SMU1: variants seen among roughly 807,000 people sequenced by gnomAD.
The protein encoded by SMU1 is WD40 repeat-containing protein SMU1.
Under a neutral mutation model 62.0 loss-of-function variants are expected in SMU1, and 2 were observed. The observed-to-expected ratio is 0.03, with a 90% CI of 0.01 to 0.10. The LOEUF (loss-of-function observed/expected upper bound fraction) is 0.10, where lower values mean the gene tolerates loss of function less well. SMU1 is among the 10% of genes least tolerant of loss of function. The pLI is 1.00. For synonymous variants in SMU1, 188 were observed against 212.4 expected (o/e 0.89, Z 1.00); for missense variants, 227 against 622.1 (o/e 0.36, Z 6.76).
At chr9:33,059,028 C>T (rs1210836256) in intron 6 of SMU1, among the ~76,000 whole-genome samples, 1 of 152,024 alleles carries the variant, frequency 6.6e-6, no homozygotes, top group East Asian at 1.9e-4. Context: ...AAATTTGTGG[C>T]TTTTCACATA....
At chr9:33,067,568 G>A (rs993930540) in intron 4 of SMU1, among the ~76,000 whole-genome samples, 3 of 147,778 alleles carry the variant, frequency 2.0e-5, no homozygotes, top group East Asian at 4.0e-4. Context: ...GCTCAATCTC[G>A]GCTCACTGCA....
rs1839367355 is a variant in SMU1 at position 33,062,009 on chromosome 9, A to G, written c.630+40T>C. 3 of 1,605,912 alleles carry G rather than the reference A, an allele frequency of 1.9e-6. No individual in the cohort carries two copies. In the African/African-American group the frequency reaches 4.0e-5, roughly 21 times the overall value. The stretch of plus-strand genomic sequence containing the variant: ...TGGCTGAGCCCATGACAAGTCCTCA[A>G]CAAATGATTACTGACTGGCTGAATG... On this transcript the variant is annotated intron_variant, in intron 5 of 11. Coordinates refer to ENST00000397149, the MANE Select transcript of SMU1 (RefSeq NM_018225.3).
Position 33,048,541 on chromosome 9 carries a change from T to C in SMU1, c.1291-283A>G, listed in dbSNP as rs557251706. ...ACATATTACCCTTAAGCAAATTTCA[T>C]TGCCATACAAAAAACAATTTTCTAA... On this transcript the variant is annotated intron_variant, in intron 10 of 11. Coordinates refer to ENST00000397149, the MANE Select transcript of SMU1 (RefSeq NM_018225.3). 7.2e-5 allele frequency among the ~76,000 whole-genome samples: 11 copies of C among 152,302 alleles called. No individual in the cohort carries two copies. The highest frequency in any genetic ancestry group is 2.6e-4 in the Admixed American group (4 of 15,290).
At position 33,047,120 on chromosome 9, in the gene SMU1, A is replaced by T. The variant is rs867681000; in HGVS notation, c.*173T>A. On this transcript the variant is annotated 3_prime_UTR_variant, in exon 12 of 12. Coordinates refer to ENST00000397149, the MANE Select transcript of SMU1 (RefSeq NM_018225.3). ...ATAAACTAATACCTTAAAAATATAT[A>T]AAAAAAGAAAGGGTAGTTGCTACTT... 5 of 520,492 alleles carry T rather than the reference A, an allele frequency of 9.6e-6. No homozygotes were observed. The South Asian group carries it at 1.1e-4, about 12-fold the overall frequency. 32.2% of individuals were successfully genotyped at this position (520,492 alleles called of 1,614,324 possible). A position where few individuals can be genotyped will look rare whatever the true frequency, so the allele number is the denominator to read the frequency against.
rs143328486 is a variant in SMU1, at chr9:33,063,335, C to T, written c.502-1158G>A. ...CAAGATCGCACCACTGCACTCCCAG[C>T]CTGGGCAACAGAGTGAGACTGTCTC... On this transcript the variant is annotated intron_variant, in intron 4 of 11. Coordinates refer to ENST00000397149, the MANE Select transcript of SMU1 (RefSeq NM_018225.3). Among the ~76,000 whole-genome samples, 539 of 152,166 alleles carry T rather than the reference C, an allele frequency of 3.5e-3. 5 individuals are homozygous for T. The highest frequency in any genetic ancestry group is 5.0e-3 in the Non-Finnish European group (341 of 68,000).
intron 4 of SMU1, among the ~76,000 whole-genome samples, chr9:33,063,710 C>CTAGG (rs1417655104): frequency 6.6e-6 from 1 of 151,756 alleles, no homozygotes; most frequent in Non-Finnish European, 1.5e-5. Flanking sequence ...TGCGAGGGAT[C>CTAGG]TAGGATGCAT....
Position 33,056,848 on chromosome 9 carries a change from G to A in SMU1, c.984C>T (p.Asp328=). 1 of 1,611,740 alleles carries A rather than the reference G, an allele frequency of 6.2e-7. No individual in the cohort carries two copies. Among genetic ancestry groups the A allele is most frequent in the African/African-American group, 1.3e-5 (1 of 74,844 alleles). ...DSSQILSASF[D]QTIRIHGLKS... ...GGATTTTTACTTACCTAATTGTCTG[G>A]TCAAAAGAAGCACTAAGGATCTGAC... The change falls in exon 8 of 12, where the codon GAC becomes GAT. Residue 328 remains aspartate (D), a synonymous_variant. Coordinates refer to ENST00000397149, the MANE Select transcript of SMU1 (RefSeq NM_018225.3).
intron 3 of SMU1, among the ~76,000 whole-genome samples, chr9:33,071,190 C>G (rs537260861): frequency 7.9e-5 from 12 of 151,672 alleles, no homozygotes; most frequent in African/African-American, 2.9e-4. Flanking sequence ...TTTTGACAAA[C>G]CTCTAGTAAA....
chr9:33,076,509 C>T, intron 1 of SMU1, 74 bp downstream of exon 1: 2 of 1,585,650 alleles, frequency 1.3e-6, no homozygotes. Flanking sequence ...TGCCTTCTCC[C>T]GAGTACCCTC....
chr9:33,070,398 A>T lies in SMU1; in HGVS notation c.390+1342T>A, dbSNP rs755998693. 1.3e-4 allele frequency among the ~76,000 whole-genome samples: 20 copies of T among 152,352 alleles called. No homozygotes were observed. The Middle Eastern group carries it at 0.024, about 181-fold the overall frequency. ...CAGGAAATAACAAATGCTGGTGAGT[A>T]AGTGGAGAAAAAGGAACCCTCGTAC... On this transcript the variant is annotated intron_variant, in intron 3 of 11. Transcript: ENST00000397149.
intron 4 of SMU1, among the ~76,000 whole-genome samples, chr9:33,062,529 T>C (rs1047061555): frequency 2.6e-5 from 4 of 152,140 alleles, no homozygotes; most frequent in Admixed American, 2.0e-4. Flanking sequence ...CCTTCCAATC[T>C]TCCCCCCCCA....
At chr9:33,048,288 C>T in intron 10 of SMU1, 30 bp from the exon 11 acceptor site, 1 of 1,612,032 alleles carries the variant, frequency 6.2e-7, no homozygotes, top group South Asian at 1.1e-5. Context: ...AAGAAAAAAA[C>T]ATCAGGATTA....
intron 4 of SMU1, among the ~76,000 whole-genome samples, chr9:33,062,674 T>TAG (rs1839376456): frequency 6.6e-6 from 1 of 152,198 alleles, no homozygotes; most frequent in Admixed American, 6.5e-5. Flanking sequence ...ATCTAGTAGA[T>TAG]GTCTCACAGT....
intron 7 of SMU1, among the ~76,000 whole-genome samples, chr9:33,057,273 T>C (rs116703011): frequency 0.012 from 1,848 of 152,284 alleles, 38 homozygotes; most frequent in African/African-American, 0.042. Flanking sequence ...CCACAACAAA[T>C]TGGCTATTAG....
At chr9:33,056,708 C>A (rs995296894) in intron 8 of SMU1, 129 bp downstream of exon 8, 4 of 1,022,278 alleles carry the variant, frequency 3.9e-6, no homozygotes, top group Admixed American at 2.4e-5. Flanking sequence ...GTCTCACATA[C>A]CTTCCCTCTC....
chr9:33,060,707 T>C, intron 5 of SMU1, 123 bp from the exon 6 acceptor site: 137 of 958,810 alleles, frequency 1.4e-4, no homozygotes, highest in Non-Finnish European at 1.9e-4. Flanking sequence ...TATTATAGAG[T>C]ATTGGAGGGG....
At chr9:33,069,942 A>C (rs577996910) in intron 3 of SMU1, among the ~76,000 whole-genome samples, 23 of 152,312 alleles carry the variant, frequency 1.5e-4, no homozygotes, top group African/African-American at 5.5e-4. Flanking sequence ...CCTGGCCAAC[A>C]TGGCGAAACC....
At chr9:33,075,932 T>A (rs977667439) in intron 1 of SMU1, among the ~76,000 whole-genome samples, 5 of 152,206 alleles carry the variant, frequency 3.3e-5, no homozygotes, top group Non-Finnish European at 7.3e-5. Flanking sequence ...CAGTCTCCAG[T>A]CTGTCTCTCC....
At chr9:33,058,475 C>A (rs936956654) in intron 6 of SMU1, among the ~76,000 whole-genome samples, 9 of 152,152 alleles carry the variant, frequency 5.9e-5, no homozygotes, top group African/African-American at 2.2e-4. Context: ...CACCAAAACA[C>A]CCAGCTAATT....
Sources: gnomAD v4.1 joint callset for allele counts (sites outside exome capture counted in the v4.1 genomes callset) on GRCh38, gnomAD v4.1.1 for gene constraint, MANE v1.5 for transcripts, NCBI Gene and HGNC (gene_info 2026-07-23, HGNC 2026-07-21) for gene names.